MYT1: variants seen among roughly 807,000 people sequenced by gnomAD.
MYT1 encodes myelin transcription factor I.
MYT1 carries 23 observed loss-of-function variants against 123.0 expected under a neutral mutation model. The observed-to-expected ratio is 0.19, with a 90% confidence interval of 0.13 to 0.26. The LOEUF (loss-of-function observed/expected upper bound fraction) is 0.26. MYT1 is among the 10% of genes least tolerant of loss of function. The probability of loss-of-function intolerance (pLI) is 1.00; values close to 1 mark genes in which losing one functional copy is unlikely to be tolerated. For missense variants in MYT1, 1,125 were observed against 1,472.5 expected (o/e 0.76, Z 3.86); for synonymous variants, 518 against 575.3 (o/e 0.90, Z 1.43).
chr20:64,200,869 CG>C (rs1194108353), intron 4 of MYT1, among the ~76,000 whole-genome samples: 1 of 152,186 alleles, frequency 6.6e-6, no homozygotes, highest in African/African-American at 2.4e-5. Flanking sequence ...CCAGCACTTC[CG>C]GTCTGGGGTC....
chr20:64,227,807 G>A lies in MYT1; in HGVS notation c.2592-81G>A, dbSNP rs993049840. 1.6e-5 allele frequency: 18 copies of A among 1,123,662 alleles called. No individual in the cohort carries two copies. The Admixed American group carries it at 3.9e-4, about 25-fold the overall frequency. The allele number at this position is 1,123,662 out of a possible 1,614,324, so 69.6% of individuals were successfully genotyped here. A position where few individuals can be genotyped will look rare whatever the true frequency, so the allele number is the denominator to read the frequency against. On this transcript the variant is annotated intron_variant, in intron 17 of 22. Coordinates refer to ENST00000328439, the MANE Select transcript of MYT1 (RefSeq NM_004535.3). ...ACCCCACCCTGGGGTCACAGAGCTTGAGGGGAGAGGGTGAGATGAACGGGT... is the reference window on the plus strand; with the variant it reads ...ACCCCACCCTGGGGTCACAGAGCTTAAGGGGAGAGGGTGAGATGAACGGGT...
chr20:64,228,983 A>T (rs997859680), intron 18 of MYT1, among the ~76,000 whole-genome samples: 2 of 152,204 alleles, frequency 1.3e-5, no homozygotes, highest in Non-Finnish European at 2.9e-5. Flanking sequence ...GGGAGGGGCA[A>T]CTTGGCCTGA....
Position 64,208,271 on chromosome 20 carries a change from C to G in MYT1, c.1075C>G (p.Arg359Gly). The change falls in exon 7 of 23, where the codon CGG becomes GGG. Residue 359 changes from arginine to glycine, a missense_variant. By Grantham distance (125) the Arg-to-Gly change is moderately radical. This residue lies in a region of MYT1 where 429 missense variants were observed against 604.1 expected (regional missense o/e 0.71). Coordinates refer to ENST00000328439, the MANE Select transcript of MYT1 (RefSeq NM_004535.3). This position sits in a 1 kb window ranked among gnomAD's most constrained non-coding sequence, Gnocchi z 5.4. ...DDDKDEDTHS[R>G]KSTVTDESEM... is the part of the protein sequence containing the mutation. ...TGACAAGGACGAGGACACCCACTCCCGGAAGTCAACAGTCACTGACGAGTC... is the reference window on the plus strand; with the variant it reads ...TGACAAGGACGAGGACACCCACTCCGGGAAGTCAACAGTCACTGACGAGTC... The G allele has an allele frequency of 6.2e-7, 1 of 1,614,162 alleles. No individual in the cohort carries two copies. Among genetic ancestry groups the G allele is most frequent in the South Asian group, 1.1e-5 (1 of 91,080 alleles).
intron 11 of MYT1, 103 bp downstream of exon 11, chr20:64,217,384 G>A: frequency 7.9e-7 from 1 of 1,270,564 alleles, no homozygotes; most frequent in African/African-American, 1.5e-5. Context: ...AGCTACTAGG[G>A]AGGGAAACTC....
chr20:64,186,863 C>T lies in MYT1; in HGVS notation c.-98-3200C>T, dbSNP rs550588434. Reference sequence around the variant, plus strand: ...GAGAGTTTCCTGTAGCACGTGGCTCCGGCATCCACGTTTCCGTGGAGACTT... The same window carrying T: ...GAGAGTTTCCTGTAGCACGTGGCTCTGGCATCCACGTTTCCGTGGAGACTT... On this transcript the variant is annotated intron_variant, in intron 1 of 22. Coordinates refer to ENST00000328439, the MANE Select transcript of MYT1 (RefSeq NM_004535.3). The surrounding 1 kb of genome is among the most constrained non-coding windows in gnomAD (Gnocchi z 4.3). Among the ~76,000 whole-genome samples, 75 of 149,456 alleles carry T rather than the reference C, an allele frequency of 5.0e-4. No individual in the cohort carries two copies. The highest frequency in any genetic ancestry group is 1.7e-3 in the African/African-American group (68 of 40,212).
chr20:64,216,910 T>C (rs986735137), intron 10 of MYT1, among the ~76,000 whole-genome samples, 157 bp from the exon 11 acceptor site: 3 of 152,162 alleles, frequency 2.0e-5, no homozygotes, highest in Non-Finnish European at 4.4e-5. Context: ...CTGCCCAGCT[T>C]TAGTGGTGGA....
In MYT1 at chr20:64,203,425, G is replaced by A. The variant is rs188976867; in HGVS notation, c.87-1610G>A. ...TAGAAGAGACTAGAGGCAGGGAGAG[G>A]TGGGTGGCAGCGGCGGCAACTCCCT... On this transcript the variant is annotated intron_variant, in intron 4 of 22. Coordinates refer to ENST00000328439, the MANE Select transcript of MYT1 (RefSeq NM_004535.3). The surrounding 1 kb of genome is among the most constrained non-coding windows in gnomAD (Gnocchi z 5.1). Among the ~76,000 whole-genome samples the A allele has an allele frequency of 6.6e-6, 1 of 152,324 alleles. No individual in the cohort carries two copies. The highest frequency in any genetic ancestry group is 1.5e-5 in the Non-Finnish European group (1 of 68,020).
chr20:64,206,111 G>C (rs557156401), intron 6 of MYT1, among the ~76,000 whole-genome samples: 1 of 152,260 alleles, frequency 6.6e-6, no homozygotes, highest in South Asian at 2.1e-4. Flanking sequence ...GTATATGAGA[G>C]AGACAGACAA....
intron 1 of MYT1, among the ~76,000 whole-genome samples, chr20:64,172,307 G>T (rs149443027): frequency 8.0e-4 from 122 of 152,322 alleles, no homozygotes; most frequent in Non-Finnish European, 2.9e-4. Context: ...ATTTGGGCAG[G>T]GGTCCTGCAG....
In MYT1 at chr20:64,207,940, C is replaced by T; in HGVS notation, c.744C>T (p.Ser248=). The T allele has an allele frequency of 6.2e-7, 1 of 1,610,340 alleles. No homozygotes were observed. Among genetic ancestry groups the T allele is most frequent in the South Asian group, 1.1e-5 (1 of 90,744 alleles). Residue 248 remains serine (S), a synonymous_variant, in exon 7 of 23, where the codon TCC becomes TCT. Coordinates refer to ENST00000328439, the MANE Select transcript of MYT1 (RefSeq NM_004535.3). ...QSLEDAASEE[S]SKQKGILSHE... ...TGGAGGATGCAGCCAGTGAGGAGTC[C>T]AGCAAGCAGAAAGGCATCCTGAGTC...
intron 4 of MYT1, among the ~76,000 whole-genome samples, chr20:64,201,889 G>A (rs1264262611): frequency 1.1e-4 from 15 of 141,136 alleles, no homozygotes. Flanking sequence ...GTCACCTGTC[G>A]GGAACCCCCG....
In MYT1 at chr20:64,213,167, A is replaced by G. The variant is rs1983733662; in HGVS notation, c.1518-367A>G. ...GAGGGCTGCAGAATCCAGCCCTGCA[A>G]GCTGGGAAGGGAGAGGAAGGGGGTG... is the stretch of plus-strand genomic sequence containing the variant. On this transcript the variant is annotated intron_variant, in intron 9 of 22. Coordinates refer to ENST00000328439, the MANE Select transcript of MYT1 (RefSeq NM_004535.3). This position sits in a 1 kb window ranked among gnomAD's most constrained non-coding sequence, Gnocchi z 5.6. Among the ~76,000 whole-genome samples, 1 of 152,162 alleles carries G rather than the reference A, an allele frequency of 6.6e-6. No individual in the cohort carries two copies. The highest frequency in any genetic ancestry group is 1.5e-5 in the Non-Finnish European group (1 of 68,018).
chr20:64,236,169 C>T (rs769823058), intron 19 of MYT1, among the ~76,000 whole-genome samples: 5 of 74,760 alleles, frequency 6.7e-5, no homozygotes, highest in South Asian at 8.8e-4. Flanking sequence ...CTGGGCTGGC[C>T]GTGGTGGGTG....
At position 64,208,633 on chromosome 20, in the gene MYT1, G is replaced by A; in HGVS notation, c.1291+146G>A. 1 of 1,364,802 alleles carries A rather than the reference G, an allele frequency of 7.3e-7. No individual in the cohort carries two copies. Among genetic ancestry groups the A allele is most frequent in the Non-Finnish European group, 9.7e-7 (1 of 1,032,728 alleles). The allele number at this position is 1,364,802 out of a possible 1,614,324, so 84.5% of individuals were successfully genotyped here. A position where few individuals can be genotyped will look rare whatever the true frequency, so the allele number is the denominator to read the frequency against. ...AAAGGACAAATACATGACACAGACT[G>A]TGGTCAGATACTGAGCAAATGGGTT... On this transcript the variant is annotated intron_variant, in intron 7 of 22. Transcript: ENST00000328439. This position sits in a 1 kb window ranked among gnomAD's most constrained non-coding sequence, Gnocchi z 5.4.
chr20:64,205,739 G>A lies in MYT1; in HGVS notation c.336G>A (p.Leu112=). The change falls in exon 6 of 23, where the codon CTG becomes CTA. Residue 112 remains leucine, a synonymous_variant. Transcript: ENST00000328439. The stretch of plus-strand genomic sequence containing the variant: ...TTTCGGATGAATCGGAAGGAACTCT[G>A]GAGGGGGCCGAGGCTGAGACGTCAG... ...ASVSDESEGT[L]EGAEAETSGQ... The A allele has an allele frequency of 6.2e-7, 1 of 1,614,204 alleles. No homozygotes were observed. The highest frequency in any genetic ancestry group is 2.2e-5 in the East Asian group (1 of 44,884).
At chr20:64,205,484 C>A (rs1983461078) in intron 5 of MYT1, 69 bp from the exon 6 acceptor site, 1 of 1,581,800 alleles carries the variant, frequency 6.3e-7, no homozygotes, top group Non-Finnish European at 8.6e-7. Flanking sequence ...TCGGGAGGGG[C>A]TCATGGGGTG....
intron 4 of MYT1, among the ~76,000 whole-genome samples, chr20:64,200,393 T>A (rs1341762943): frequency 6.6e-6 from 1 of 152,226 alleles, no homozygotes; most frequent in Non-Finnish European, 1.5e-5. Context: ...CTGAGCTCTG[T>A]GACCGTTTCC....
At position 64,207,883 on chromosome 20, in the gene MYT1, C is replaced by T. The variant is rs751239715; in HGVS notation, c.687C>T (p.Thr229=). Residue 229 remains threonine (T), a synonymous_variant, in exon 7 of 23, where the codon ACC becomes ACT. Coordinates refer to ENST00000328439, the MANE Select transcript of MYT1 (RefSeq NM_004535.3). ...CCGAGGAGGTCGTCGAAGTCACCAC[C>T]GAGCGCTCCCAGGACCTGTGTCCCC... ...EDAEEVVEVT[T]ERSQDLCPQS... is the part of the protein sequence containing the mutation. 33 of 1,613,060 alleles carry T rather than the reference C, an allele frequency of 2.0e-5. 1 individual carries two copies. In the South Asian group the frequency reaches 2.1e-4, roughly 10 times the overall value.
chr20:64,170,922 G>GAGAT (rs1982255823), intron 1 of MYT1, among the ~76,000 whole-genome samples: 2 of 138,176 alleles, frequency 1.4e-5, no homozygotes, highest in Non-Finnish European at 3.1e-5. Context: ...GAGAGAGAGA[G>GAGAT]AGAGAGAGAG....
Sources: allele counts gnomAD v4.1 joint callset (sites outside exome capture counted in the v4.1 genomes callset), GRCh38; gene constraint gnomAD v4.1.1; regional missense constraint gnomAD v4.1.1; non-coding constraint Gnocchi (gnomAD v3.1); transcripts MANE v1.5; gene names NCBI Gene and HGNC (gene_info 2026-07-23, HGNC 2026-07-21).